RABL6: variants seen among roughly 807,000 people sequenced by gnomAD.
The protein encoded by RABL6 is rab-like protein 6.
A neutral mutation model predicts 72.9 loss-of-function variants in RABL6; 28 were observed. That is an observed-to-expected ratio of 0.38 (90% CI 0.28 to 0.53). RABL6 has a LOEUF of 0.53. Ranked by LOEUF, RABL6 falls within the 20% of genes least tolerant of loss-of-function variation. The pLI is 0.80. For synonymous variants in RABL6, 477 were observed against 421.2 expected (o/e 1.13, Z -1.62); for missense variants, 1,029 against 1,008.4 (o/e 1.02, Z -0.28).
chr9:136,823,594 C>T lies in RABL6; in HGVS notation c.200C>T (p.Pro67Leu), dbSNP rs746771659. The T allele has an allele frequency of 2.7e-5, 43 of 1,613,700 alleles. No homozygotes were observed. In the African/African-American group the frequency reaches 3.2e-4, roughly 12 times the overall value. The stretch of plus-strand genomic sequence containing the variant: ...CTGTGGCACCGCCTGCAGGGCCGGC[C>T]GTTCGTGGAGGAGTACATCCCCACA... ...TALWHRLQGR[P>L]FVEEYIPTQE... is the part of the protein sequence containing the mutation. The change falls in exon 2 of 15, where the codon CCG becomes CTG. Residue 67 changes from proline (P) to leucine (L), a missense_variant. By Grantham distance (98) the Pro-to-Leu change is moderately conservative. This residue lies in a region of RABL6 where 434 missense variants were observed against 536.1 expected (regional missense o/e 0.81). Coordinates refer to ENST00000311502, the MANE Select transcript of RABL6 (RefSeq NM_024718.5).
At position 136,828,136 on chromosome 9, in the gene RABL6, C is replaced by T. The variant is rs1038301611; in HGVS notation, c.314-358C>T. ...TCCCACCATATCCCTTGTACTTCCT[C>T]CCACCCTGGACTTGGGGGAGCTGGG... On this transcript the variant is annotated intron_variant, in intron 3 of 14. Coordinates refer to ENST00000311502, the MANE Select transcript of RABL6 (RefSeq NM_024718.5). 65 of 228,950 alleles carry T rather than the reference C, an allele frequency of 2.8e-4. 1 individual carries two copies. The highest frequency in any genetic ancestry group is 1.5e-3 in the African/African-American group (65 of 44,212). The allele number at this position is 228,950 out of a possible 1,614,324, so 14.2% of individuals were successfully genotyped here.
chr9:136,814,881 T>A (rs368523253), intron 1 of RABL6: 19 of 155,436 alleles, frequency 1.2e-4, no homozygotes, highest in Non-Finnish European at 1.6e-4. Context: ...TTCCTCCTCT[T>A]TGTCGTCTTC....
At position 136,839,284 on chromosome 9, in the gene RABL6, C is replaced by T. The variant is rs373249604; in HGVS notation, c.1556C>T (p.Pro519Leu). Residue 519 changes from proline (P) to leucine (L), a missense_variant, in exon 12 of 15, where the codon CCC becomes CTC. Physicochemically the swap from Pro to Leu is moderately conservative, Grantham distance 98. Transcript: ENST00000311502. ...GCTCCCACGAGGACCGCAGCACCCC[C>T]CTGGCCAGGCGGTGTCTCTGTTCGC... ...GTAPTRTAAP[P>L]WPGGVSVRTG... The T allele has an allele frequency of 1.7e-5, 27 of 1,610,474 alleles. No individual in the cohort carries two copies. The highest frequency in any genetic ancestry group is 2.2e-5 in the Non-Finnish European group (26 of 1,179,000).
intron 7 of RABL6, 139 bp downstream of exon 7, chr9:136,832,509 C>G (rs1450183274): frequency 2.6e-6 from 2 of 773,446 alleles, no homozygotes; most frequent in Non-Finnish European, 4.6e-6. Flanking sequence ...GGCAAGGGCC[C>G]AGCGTTCTAC....
In RABL6 at chr9:136,839,378, C is replaced by T. The variant is rs1848645335; in HGVS notation, c.1650C>T (p.Ala550=). The T allele has an allele frequency of 3.7e-6, 6 of 1,612,618 alleles. No individual in the cohort carries two copies. The highest frequency in any genetic ancestry group is 2.7e-5 in the African/African-American group (2 of 75,048). The change falls in exon 12 of 15, where the codon GCC becomes GCT. Residue 550 remains alanine, a synonymous_variant. Transcript: ENST00000311502. Reference sequence around the variant, plus strand: ...TGGAGCCGGGGAAGGGTGAGCAGGCCTCCTCGTCGGAGAGTGACCCCGAGG... The same window carrying T: ...TGGAGCCGGGGAAGGGTGAGCAGGCTTCCTCGTCGGAGAGTGACCCCGAGG... The part of the protein sequence containing the change: ...AEMEPGKGEQ[A]SSSESDPEGP...
intron 7 of RABL6, chr9:136,834,111 C>T: frequency 7.6e-7 from 1 of 1,323,210 alleles, no homozygotes; most frequent in Non-Finnish European, 9.6e-7. Context: ...CCTGTCTCAG[C>T]AGCGGGACCC....
intron 4 of RABL6, among the ~76,000 whole-genome samples, chr9:136,828,877 T>C (rs1848413028): frequency 1.3e-5 from 2 of 152,196 alleles, no homozygotes; most frequent in South Asian, 2.1e-4. Context: ...CGCAGCGCCA[T>C]GGGCGTGAGT....
intron 1 of RABL6, among the ~76,000 whole-genome samples, chr9:136,817,463 G>A (rs903685459): frequency 1.3e-5 from 2 of 152,176 alleles, no homozygotes; most frequent in Non-Finnish European, 2.9e-5. Flanking sequence ...GTGGACTGGT[G>A]ACCAGCTCGC....
In RABL6 at chr9:136,835,333, CGGT is replaced by C. The variant is rs140841804; in HGVS notation, c.706-406_706-404del. The stretch of plus-strand genomic sequence containing the variant: ...GAGCCAGCTGCTTGTGGGTGTGGGA[CGGT>C]GGCGACGCGTGCACCGGGGATGTGT... On this transcript the variant is annotated intron_variant, in intron 7 of 14. Coordinates refer to ENST00000311502, the MANE Select transcript of RABL6 (RefSeq NM_024718.5). 14 of 160,250 alleles carry C rather than the reference CGGT, an allele frequency of 8.7e-5. No homozygotes were observed. In the East Asian group the frequency reaches 2.4e-3, roughly 27 times the overall value. The allele number at this position is 160,250 out of a possible 1,614,324, so 9.9% of individuals were successfully genotyped here.
In RABL6 at chr9:136,808,070, C is replaced by T; in HGVS notation, c.-127C>T. The T allele has an allele frequency of 8.8e-7, 1 of 1,142,774 alleles. No individual in the cohort carries two copies. The highest frequency in any genetic ancestry group is 3.8e-4 in the Middle Eastern group (1 of 2,640). 70.8% of individuals were successfully genotyped at this position (1,142,774 alleles called of 1,614,324 possible). A position where few individuals can be genotyped will look rare whatever the true frequency, so the allele number is the denominator to read the frequency against. On this transcript the variant is annotated 5_prime_UTR_variant, in exon 1 of 15. Transcript: ENST00000311502. Reference sequence around the variant, plus strand: ...CTGCGCTCCGCCGCCGGGACCCCGGCCTCTGGCCGCGCCGGCTCCGGCCTC... The same window carrying T: ...CTGCGCTCCGCCGCCGGGACCCCGGTCTCTGGCCGCGCCGGCTCCGGCCTC...
At chr9:136,815,718 T>C (rs1433563033) in intron 1 of RABL6, among the ~76,000 whole-genome samples, 2 of 152,186 alleles carry the variant, frequency 1.3e-5, no homozygotes, top group African/African-American at 2.4e-5. Flanking sequence ...CCTTCATGCA[T>C]CTGAGATAAA....
intron 1 of RABL6, among the ~76,000 whole-genome samples, chr9:136,815,907 C>T (rs1848110649): frequency 6.6e-6 from 1 of 152,192 alleles, no homozygotes; most frequent in Admixed American, 6.5e-5. Flanking sequence ...GTCGTGTTCA[C>T]ATCCCGTTTA....
At chr9:136,820,875 C>T (rs1848222645) in intron 1 of RABL6, among the ~76,000 whole-genome samples, 1 of 152,158 alleles carries the variant, frequency 6.6e-6, no homozygotes, top group African/African-American at 2.4e-5. Context: ...CCAAGACGTC[C>T]TTCAGTAGAT....
chr9:136,838,875 G>A (rs368439188), intron 10 of RABL6, 34 bp from the exon 11 acceptor site: 13 of 1,506,092 alleles, frequency 8.6e-6, no homozygotes, highest in East Asian at 2.4e-5. Context: ...TCCCTACCCC[G>A]TGGCCCTTGA....
intron 3 of RABL6, chr9:136,828,024 C>G (rs558866967): frequency 6.4e-6 from 1 of 156,670 alleles, no homozygotes; most frequent in African/African-American, 2.4e-5. Flanking sequence ...TCCCTGCCCC[C>G]CTCTCCTTTC....
chr9:136,828,450 G>T (rs776861593), intron 3 of RABL6, 44 bp from the exon 4 acceptor site: 1 of 1,605,954 alleles, frequency 6.2e-7, no homozygotes, highest in Non-Finnish European at 8.5e-7. Context: ...ATGGCCCAAG[G>T]CCCAGGGGTT....
intron 1 of RABL6, among the ~76,000 whole-genome samples, chr9:136,810,643 A>G (rs1331278941): frequency 6.6e-6 from 1 of 151,954 alleles, no homozygotes; most frequent in African/African-American, 2.4e-5. Flanking sequence ...CCGGGTTCAC[A>G]CCATTCTCCT....
At chr9:136,825,905 G>A in intron 3 of RABL6, 79 bp downstream of exon 3, 7 of 1,509,418 alleles carry the variant, frequency 4.6e-6, no homozygotes, top group Non-Finnish European at 6.4e-6. Flanking sequence ...CTTTCCCCCG[G>A]CGCCCATGCA....
intron 2 of RABL6, among the ~76,000 whole-genome samples, chr9:136,825,150 G>A (rs749612846): frequency 7.8e-4 from 118 of 152,232 alleles, no homozygotes; most frequent in Non-Finnish European, 1.1e-3. Flanking sequence ...GCGGTGTGAG[G>A]CAGGCCTGGG....
Sources: allele counts gnomAD v4.1 joint callset (sites outside exome capture counted in the v4.1 genomes callset), GRCh38; gene constraint gnomAD v4.1.1; regional missense constraint gnomAD v4.1.1; transcripts MANE v1.5; gene names NCBI Gene and HGNC (gene_info 2026-07-23, HGNC 2026-07-21).